The following SLC35D1 variants were observed in gnomAD, a reference collection of about 807,000 sequenced individuals.
The protein encoded by SLC35D1 is nucleotide sugar transporter SLC35D1.
A neutral mutation model predicts 46.7 loss-of-function variants in SLC35D1; 31 were observed. The observed-to-expected ratio is 0.66, with a 90% CI of 0.50 to 0.90. The LOEUF (loss-of-function observed/expected upper bound fraction) is 0.90, where lower values mean the gene tolerates loss of function less well. Among genes scored for constraint, SLC35D1 ranks in the 40% least tolerant of loss-of-function variants. The pLI, the probability that SLC35D1 is intolerant of heterozygous loss-of-function variation, is 0.00. For missense variants in SLC35D1, 397 were observed against 426.2 expected (o/e 0.93, Z 0.60); for synonymous variants, 195 against 164.6 (o/e 1.18, Z -1.41).
rs1176985206 is a variant in SLC35D1, at chr1:67,053,807, C to G, written c.203+4G>C. 1.2e-6 allele frequency: 2 copies of G among 1,604,016 alleles called. No individual in the cohort carries two copies. The highest frequency in any genetic ancestry group is 1.7e-6 in the Non-Finnish European group (2 of 1,175,776). On this transcript the variant is annotated splice_donor_region_variant and intron_variant, in intron 1 of 11. Coordinates refer to ENST00000235345, the MANE Select transcript of SLC35D1 (RefSeq NM_015139.3). ...GGCCTGGGCCGCCGCCGCCTCGGCC[C>G]TACCTGTAATTGGTGAGCACGCTCT...
chr1:66,986,102 C>G, the SLC35D1 span: 1 of 1,088,340 alleles, frequency 9.2e-7, no homozygotes, highest in Non-Finnish European at 1.1e-6. Flanking sequence ...CAAGGAACAA[C>G]TGTTGGCAGG....
downstream of SLC35D1, among the ~76,000 whole-genome samples, chr1:66,997,745 T>C (rs1667257815): frequency 1.4e-5 from 2 of 146,776 alleles, no homozygotes; most frequent in African/African-American, 4.9e-5. Flanking sequence ...AGGAAAGCTG[T>C]TAAATATATA....
chr1:67,037,204 T>C (rs1156953154), intron 8 of SLC35D1, among the ~76,000 whole-genome samples: 1 of 152,188 alleles, frequency 6.6e-6, no homozygotes, highest in African/African-American at 2.4e-5. Flanking sequence ...TTTGTCTTTA[T>C]ATGTAAAATA....
intron 11 of SLC35D1, among the ~76,000 whole-genome samples, chr1:67,005,928 A>G (rs139680340): frequency 5.9e-5 from 9 of 152,302 alleles, no homozygotes; most frequent in Middle Eastern, 3.4e-3. Flanking sequence ...TAGCAACACA[A>G]TAAGTAACTG....
At position 67,001,114 on chromosome 1, in the gene SLC35D1, A is replaced by G. The variant is rs966721868; in HGVS notation, c.*3226T>C. On this transcript the variant is annotated 3_prime_UTR_variant, in exon 12 of 12. Transcript: ENST00000235345. ...CAGAGCTTAGCAAAATACTTGGCAT[A>G]CAAGAGCTGCTCACTAAGTCTTTGC... 2 of 152,324 alleles carry G rather than the reference A, an allele frequency of 1.3e-5. No homozygotes were observed. Among genetic ancestry groups the G allele is most frequent in the African/African-American group, 4.8e-5 (2 of 41,424 alleles). 9.4% of individuals were successfully genotyped at this position (152,324 alleles called of 1,614,324 possible).
At position 67,013,157 on chromosome 1, in the gene SLC35D1, G is replaced by GATATATATATATATACAT. The variant is rs964691631; in HGVS notation, c.877-3991_877-3990insATGTATATATATATATAT. Among the ~76,000 whole-genome samples, 204 of 29,814 alleles carry GATATATATATATATACAT rather than the reference G, an allele frequency of 6.8e-3. 44 individuals carry two copies. The highest frequency in any genetic ancestry group is 0.034 in the African/African-American group (189 of 5,586). 19.6% of individuals were successfully genotyped at this position (29,814 alleles called of 152,430 possible). A position where few individuals can be genotyped will look rare whatever the true frequency, so the allele number is the denominator to read the frequency against. ...ATAATTTAAGAACATATATCCTGGA[G>GATATATATATATATACAT]ATATATATATATCCTGTTCTTAAAT... On this transcript the variant is annotated intron_variant, in intron 10 of 11. Coordinates refer to ENST00000235345, the MANE Select transcript of SLC35D1 (RefSeq NM_015139.3).
chr1:66,983,808 A>G, the SLC35D1 span, among the ~76,000 whole-genome samples: 2 of 152,110 alleles, frequency 1.3e-5, no homozygotes, highest in South Asian at 4.2e-4. Context: ...GCTCACTGCA[A>G]CCTCCGCCTC....
At chr1:66,992,642 C>T in the SLC35D1 span, among the ~76,000 whole-genome samples, 3 of 152,242 alleles carry the variant, frequency 2.0e-5, no homozygotes, top group Non-Finnish European at 2.9e-5. Flanking sequence ...TGGCTAGAGC[C>T]ATGGGCTTAA....
chr1:67,022,451 A>G (rs144855034), intron 8 of SLC35D1, among the ~76,000 whole-genome samples: 13 of 152,228 alleles, frequency 8.5e-5, no homozygotes, highest in South Asian at 4.1e-4. Context: ...CTTCCCCTCA[A>G]CATTCGTCTG....
chr1:67,053,172 T>A (rs1399688797), intron 1 of SLC35D1, among the ~76,000 whole-genome samples, 183 bp from the exon 2 acceptor site: 1 of 152,126 alleles, frequency 6.6e-6, no homozygotes, highest in South Asian at 2.1e-4. Flanking sequence ...TCCACCCCGC[T>A]GATGTAGCCT....
chr1:66,991,064 A>AGTT, the SLC35D1 span, among the ~76,000 whole-genome samples: 1 of 152,152 alleles, frequency 6.6e-6, no homozygotes, highest in African/African-American at 2.4e-5. Flanking sequence ...ATACATCCTG[A>AGTT]GTTGCCCTTT....
intron 10 of SLC35D1, among the ~76,000 whole-genome samples, chr1:67,017,016 T>A (rs1223834922): frequency 6.6e-6 from 1 of 152,176 alleles, no homozygotes; most frequent in Non-Finnish European, 1.5e-5. Context: ...ATTCACCCAA[T>A]TTGTTACAGG....
intron 4 of SLC35D1, 87 bp downstream of exon 4, chr1:67,051,925 A>G: frequency 1.0e-6 from 1 of 960,088 alleles, no homozygotes; most frequent in Non-Finnish European, 1.7e-6. Context: ...TCCAGAATCA[A>G]TAACAATGTG....
At chr1:66,993,938 G>A in the SLC35D1 span, among the ~76,000 whole-genome samples, 5 of 152,174 alleles carry the variant, frequency 3.3e-5, no homozygotes, top group South Asian at 6.2e-4. Context: ...TTTTATACTC[G>A]GAAAGCATTG....
chr1:67,031,119 A>C, intron 8 of SLC35D1, among the ~76,000 whole-genome samples: 1 of 152,224 alleles, frequency 6.6e-6, no homozygotes, highest in East Asian at 1.9e-4. Flanking sequence ...TATCTGCAGG[A>C]CATTAAAATA....
At chr1:66,997,519 A>AAAAATATAT (rs1553262615), downstream of SLC35D1, among the ~76,000 whole-genome samples, 6 of 74,030 alleles carry the variant, frequency 8.1e-5, no homozygotes, top group East Asian at 4.1e-4. Flanking sequence ...AAAAAAAAAA[A>AAAAATATAT]ATATATATAT....
chr1:67,039,096 C>T (rs1022331140), intron 8 of SLC35D1, among the ~76,000 whole-genome samples: 7 of 152,132 alleles, frequency 4.6e-5, no homozygotes, highest in African/African-American at 1.7e-4. Context: ...GATTCTTGTC[C>T]TAACAAAGGG....
At position 67,021,716 on chromosome 1, in the gene SLC35D1, CAGACACAG is replaced by C. The variant is rs750565045; in HGVS notation, c.730-122_730-115del. The C allele has an allele frequency of 8.2e-4, 384 of 467,158 alleles. 3 individuals carry two copies. The highest frequency in any genetic ancestry group is 3.2e-3 in the African/African-American group (129 of 40,640). 28.9% of individuals were successfully genotyped at this position (467,158 alleles called of 1,614,324 possible). On this transcript the variant is annotated intron_variant, in intron 8 of 11. Transcript: ENST00000235345. ...TCCAACACAGACACAGACACAGACA[CAGACACAG>C]ACACACACACACACACACACACACA... is the stretch of plus-strand genomic sequence containing the variant.
intron 8 of SLC35D1, among the ~76,000 whole-genome samples, chr1:67,037,367 T>C (rs1261711733): frequency 6.6e-6 from 1 of 152,096 alleles, no homozygotes; most frequent in Non-Finnish European, 1.5e-5. Context: ...AGGGAGTATG[T>C]GAGTAAGATT....
Sources: allele counts gnomAD v4.1 joint callset (sites outside exome capture counted in the v4.1 genomes callset), GRCh38; gene constraint gnomAD v4.1.1; transcripts MANE v1.5; gene names NCBI Gene and HGNC (gene_info 2026-07-23, HGNC 2026-07-21).